DSCAML1: variants seen among roughly 807,000 people sequenced by gnomAD.
DSCAML1 encodes cell adhesion molecule DSCAML1.
DSCAML1 carries 38 observed loss-of-function variants against 200.5 expected under a neutral mutation model. The ratio of observed to expected loss-of-function variants is 0.19; its 90% CI spans 0.15 to 0.25. The LOEUF (loss-of-function observed/expected upper bound fraction) is 0.25. DSCAML1 is among the 10% of genes least tolerant of loss of function. The pLI, the probability that DSCAML1 is intolerant of heterozygous loss-of-function variation, is 1.00. For missense variants in DSCAML1, 2,223 were observed against 2,858.8 expected, an observed-to-expected ratio of 0.78 and a Z score of 5.07; for synonymous variants, 1,215 against 1,165.0, an observed-to-expected ratio of 1.04 and a Z score of -0.87.
At chr11:117,773,250 C>A (rs1412996268) in intron 3 of DSCAML1, among the ~76,000 whole-genome samples, 1 of 152,204 alleles carries the variant, frequency 6.6e-6, no homozygotes, top group African/African-American at 2.4e-5. Context: ...GCACCTGCAT[C>A]CCCAAGGGGA....
chr11:117,649,266 C>A (rs1447110635), intron 3 of DSCAML1, among the ~76,000 whole-genome samples: 1 of 152,008 alleles, frequency 6.6e-6, no homozygotes, highest in Non-Finnish European at 1.5e-5. Context: ...TTAGTAGAGA[C>A]GAGGTTTCAC....
At chr11:117,616,362 T>A (rs945623934) in intron 3 of DSCAML1, among the ~76,000 whole-genome samples, 1 of 152,196 alleles carries the variant, frequency 6.6e-6, no homozygotes. Flanking sequence ...ATTATAGTAA[T>A]CTCTGGTCTA....
intron 3 of DSCAML1, among the ~76,000 whole-genome samples, chr11:117,682,465 T>A (rs2053328587): frequency 1.3e-5 from 2 of 152,102 alleles, no homozygotes; most frequent in South Asian, 4.2e-4. Context: ...ATGCCACCTC[T>A]CCCATGGCCC....
At chr11:117,473,387 C>CTT (rs2048725483) in intron 14 of DSCAML1, among the ~76,000 whole-genome samples, 1 of 152,080 alleles carries the variant, frequency 6.6e-6, no homozygotes, top group Admixed American at 6.6e-5. Flanking sequence ...GTCCCAGCTA[C>CTT]TTGGGAGGCT....
chr11:117,524,780 T>C (rs1431082018), intron 5 of DSCAML1, 25 bp downstream of exon 5: 1 of 1,556,674 alleles, frequency 6.4e-7, no homozygotes, highest in African/African-American at 1.4e-5. Context: ...TTACTGGGGC[T>C]GCAGAAGGGG....
In DSCAML1 at chr11:117,805,336, G is replaced by T. The variant is rs530815648; in HGVS notation, c.-250+12054C>A. On this transcript the variant is annotated intron_variant, in intron 1 of 2. Transcript: ENST00000525836. ...TGCAGCAATAAGGTTCCCATTTCAGGCCACAATGACATTGAAACCCAGCAT... is the reference window on the plus strand; with the variant it reads ...TGCAGCAATAAGGTTCCCATTTCAGTCCACAATGACATTGAAACCCAGCAT... 1.3e-4 allele frequency among the ~76,000 whole-genome samples: 20 copies of T among 152,206 alleles called. No homozygotes were observed. In the East Asian group the frequency reaches 3.9e-3, roughly 29 times the overall value.
At chr11:117,672,553 A>G (rs1335053351) in intron 3 of DSCAML1, among the ~76,000 whole-genome samples, 1 of 152,236 alleles carries the variant, frequency 6.6e-6, no homozygotes, top group African/African-American at 2.4e-5. Context: ...CTGTACACGA[A>G]ACAGTTCCCA....
chr11:117,474,503 T>C (rs80235512), intron 14 of DSCAML1, among the ~76,000 whole-genome samples: 1 of 152,220 alleles, frequency 6.6e-6, no homozygotes, highest in African/African-American at 2.4e-5. Context: ...CAGATTAATA[T>C]CCAGCCTGGG....
At position 117,503,816 on chromosome 11, in the gene DSCAML1, GC is replaced by G; in HGVS notation, c.2359+28del. Reference sequence around the variant, plus strand: ...CGGGGCTTGGCTGTGATTTGGGGGTGCTAGGGGGCGTGTGGGGACAGGACTC... The same window carrying G: ...CGGGGCTTGGCTGTGATTTGGGGGTGTAGGGGGCGTGTGGGGACAGGACTC... On this transcript the variant is annotated intron_variant, in intron 11 of 32. Coordinates refer to ENST00000651296, the MANE Select transcript of DSCAML1 (RefSeq NM_020693.4). This position sits in a 1 kb window ranked among gnomAD's most constrained non-coding sequence, Gnocchi z 5.2. 3.7e-6 allele frequency: 6 copies of G among 1,604,716 alleles called. No individual in the cohort carries two copies. Among genetic ancestry groups the G allele is most frequent in the Non-Finnish European group, 5.1e-6 (6 of 1,175,080 alleles).
chr11:117,814,609 G>T (rs1029752705), intron 1 of DSCAML1, among the ~76,000 whole-genome samples: 3 of 152,236 alleles, frequency 2.0e-5, no homozygotes, highest in East Asian at 3.8e-4. Context: ...GTGCCCAAAG[G>T]GGGGTGAGGC....
rs1417365528 is a variant in DSCAML1 at position 117,518,429 on chromosome 11, C to A, written c.1510+37G>T. ...TAACCACAGAGATGGCAAAGGAACT[C>A]AAAAACCTATTCTGATATTTAAATG... On this transcript the variant is annotated intron_variant, in intron 7 of 32. Transcript: ENST00000651296. The surrounding 1 kb of genome is among the most constrained non-coding windows in gnomAD (Gnocchi z 6.3). 1 of 1,613,214 alleles carries A rather than the reference C, an allele frequency of 6.2e-7. No individual in the cohort carries two copies. The highest frequency in any genetic ancestry group is 1.1e-5 in the South Asian group (1 of 90,938).
chr11:117,728,141 A>G (rs60398389), intron 3 of DSCAML1, among the ~76,000 whole-genome samples: 10 of 152,354 alleles, frequency 6.6e-5, no homozygotes, highest in African/African-American at 2.4e-4. Flanking sequence ...AAAATCCATT[A>G]ATGTAATACA....
chr11:117,725,925 G>A (rs1459392451), intron 3 of DSCAML1, among the ~76,000 whole-genome samples: 1 of 152,214 alleles, frequency 6.6e-6, no homozygotes, highest in Admixed American at 6.5e-5. Flanking sequence ...TTGAGCCCCT[G>A]CAGCCTCTCC....
chr11:117,605,733 T>C (rs74740103), intron 3 of DSCAML1, among the ~76,000 whole-genome samples: 3,665 of 152,248 alleles, frequency 0.024, 87 homozygotes, highest in South Asian at 0.12. Context: ...GCTGTCTGGG[T>C]GAACACCTCC....
intron 17 of DSCAML1, among the ~76,000 whole-genome samples, chr11:117,464,456 G>T (rs1473939275): frequency 1.3e-5 from 2 of 152,174 alleles, no homozygotes; most frequent in Non-Finnish European, 2.9e-5. Flanking sequence ...AGTCATGGAA[G>T]AATGAAGACT....
intron 8 of DSCAML1, among the ~76,000 whole-genome samples, chr11:117,515,449 C>T (rs2049740939): frequency 6.6e-6 from 1 of 152,080 alleles, no homozygotes; most frequent in African/African-American, 2.4e-5. Flanking sequence ...TTCGCAGCCC[C>T]AGAACCAAGG....
intron 3 of DSCAML1, among the ~76,000 whole-genome samples, chr11:117,593,350 C>T (rs1018760340): frequency 3.3e-5 from 5 of 152,256 alleles, no homozygotes; most frequent in African/African-American, 1.2e-4. Context: ...GCTGCCTCCC[C>T]GTGCACCTCG....
intron 3 of DSCAML1, among the ~76,000 whole-genome samples, chr11:117,648,386 C>T (rs1034567082): frequency 3.3e-5 from 5 of 152,184 alleles, no homozygotes; most frequent in African/African-American, 7.2e-5. Flanking sequence ...ATGAAAGCAA[C>T]GCAGGACCCG....
chr11:117,670,620 T>C (rs1450707325), intron 3 of DSCAML1, among the ~76,000 whole-genome samples: 2 of 152,138 alleles, frequency 1.3e-5, no homozygotes, highest in Admixed American at 1.3e-4. Flanking sequence ...CTGAGGCTAT[T>C]GTCAGAGGCC....
Sources: gnomAD v4.1 joint callset for allele counts (sites outside exome capture counted in the v4.1 genomes callset) on GRCh38, gnomAD v4.1.1 for gene constraint, Gnocchi (gnomAD v3.1) non-coding constraint, MANE v1.5 for transcripts, NCBI Gene and HGNC (gene_info 2026-07-23, HGNC 2026-07-21) for gene names.